Variants in LRRC4B observed in about 807,000 individuals in gnomAD.
LRRC4B encodes leucine rich repeat containing 4B, also known as leucine-rich repeat-containing protein 4B.
Under a neutral mutation model 7.3 loss-of-function variants are expected in LRRC4B, and 1 was observed. The observed-to-expected ratio is 0.14, with a 90% CI of 0.05 to 0.65. The LOEUF is 0.65. LRRC4B is among the 30% of genes least tolerant of loss of function. LRRC4B has a pLI of 0.84. For missense variants in LRRC4B, 730 were observed against 1,041.6 expected (o/e 0.70, Z 4.12); for synonymous variants, 500 against 499.2 (o/e 1.00, Z -0.02).
chr19:50,555,055 G>A lies in LRRC4B; in HGVS notation c.-35-6182C>T, dbSNP rs1273769211. ...TATCACACGCCCGACACCCCACCAC[G>A]GCTTCACGCCCGGCTGGCAGAGGCT... On this transcript the variant is annotated intron_variant, in intron 1 of 2. Transcript: ENST00000652263. This position sits in a 1 kb window ranked among gnomAD's most constrained non-coding sequence, Gnocchi z 5.2. Among the ~76,000 whole-genome samples the A allele has an allele frequency of 2.6e-5, 4 of 152,164 alleles. No homozygotes were observed. Among genetic ancestry groups the A allele is most frequent in the African/African-American group, 7.2e-5 (3 of 41,438 alleles).
At chr19:50,546,600 A>G (rs1010494325) in intron 2 of LRRC4B, among the ~76,000 whole-genome samples, 5 of 152,232 alleles carry the variant, frequency 3.3e-5, no homozygotes, top group Admixed American at 1.3e-4. Context: ...CCCTTTGACA[A>G]TGTCCACCTT....
chr19:50,550,191 A>C (rs1360256832), intron 1 of LRRC4B, among the ~76,000 whole-genome samples: 2 of 152,080 alleles, frequency 1.3e-5, no homozygotes, highest in Admixed American at 6.5e-5. Flanking sequence ...ATGAGGGAAA[A>C]CGGCCTGTCC....
At position 50,517,708 on chromosome 19, in the gene LRRC4B, C is replaced by T. The variant is rs762175159; in HGVS notation, c.2005G>A (p.Ala669Thr). ...HLNHHHYVAA[A>T]FKAHYSSNPS... Reference sequence around the variant, plus strand: ...TTGCTGCTGTAGTGCGCCTTGAAGGCGGCAGCCACGTAGTGGTGGTGGTTG... The same window carrying T: ...TTGCTGCTGTAGTGCGCCTTGAAGGTGGCAGCCACGTAGTGGTGGTGGTTG... The change falls in exon 3 of 3, where the codon GCC (alanine) becomes ACC (threonine). Residue 669 changes from alanine to threonine, a missense_variant. Physicochemically the swap from Ala to Thr is moderately conservative, Grantham distance 58. Around this residue, in one of 6 missense-constraint regions of LRRC4B, gnomAD observed 160 missense variants for 163.9 expected, o/e 0.98. Transcript: ENST00000652263. The surrounding 1 kb of genome is among the most constrained non-coding windows in gnomAD (Gnocchi z 6.6). 2.1e-5 allele frequency: 33 copies of T among 1,553,576 alleles called. No individual in the cohort carries two copies. The highest frequency in any genetic ancestry group is 2.8e-5 in the Non-Finnish European group (32 of 1,151,790).
chr19:50,525,237 C>G (rs1362007544), intron 2 of LRRC4B, among the ~76,000 whole-genome samples: 1 of 152,160 alleles, frequency 6.6e-6, no homozygotes, highest in Non-Finnish European at 1.5e-5. Flanking sequence ...ATGAAAAGCA[C>G]TTCAGAGGGT....
Position 50,519,444 on chromosome 19 carries a change from C to T in LRRC4B, c.298-29G>A, listed in dbSNP as rs945823660. ...GGGAGAGGGAGACACGGATCAGTCA[C>T]GGAGATACTGACGGGGACCGTGGGG... On this transcript the variant is annotated intron_variant, in intron 2 of 2. Coordinates refer to ENST00000652263, the MANE Select transcript of LRRC4B (RefSeq NM_001080457.2). The surrounding 1 kb of genome is among the most constrained non-coding windows in gnomAD (Gnocchi z 8.1). 10 of 1,536,730 alleles carry T rather than the reference C, an allele frequency of 6.5e-6. No individual in the cohort carries two copies. The highest frequency in any genetic ancestry group is 8.7e-6 in the Non-Finnish European group (10 of 1,146,200).
At chr19:50,564,175 C>T (rs1158684818) in intron 1 of LRRC4B, among the ~76,000 whole-genome samples, 4 of 152,100 alleles carry the variant, frequency 2.6e-5, no homozygotes, top group Non-Finnish European at 5.9e-5. Context: ...GCCCTTTGCA[C>T]CTGAGCACAA....
rs1980401023 is a variant in LRRC4B at position 50,518,422 on chromosome 19, T to C, written c.1291A>G (p.Thr431Ala). ...LNFTNVTVQD[T>A]GQYTCMVTNS... Reference sequence around the variant, plus strand: ...GTCACCATGCACGTGTACTGGCCCGTGTCCTGCACGGTGACGTTGGTGAAG... The same window carrying C: ...GTCACCATGCACGTGTACTGGCCCGCGTCCTGCACGGTGACGTTGGTGAAG... The change falls in exon 3 of 3, where the codon ACG (threonine) becomes GCG (alanine). Residue 431 changes from threonine to alanine, a missense_variant. Transcript: ENST00000652263. 6.4e-7 allele frequency: 1 copy of C among 1,559,858 alleles called. No homozygotes were observed. Among genetic ancestry groups the C allele is most frequent in the Non-Finnish European group, 8.7e-7 (1 of 1,155,206 alleles).
Position 50,518,004 on chromosome 19 carries a change from T to G in LRRC4B, c.1709A>C (p.Asp570Ala). Residue 570 changes from aspartate to alanine, a missense_variant, in exon 3 of 3, where the codon GAC becomes GCC. Around this residue, in one of 6 missense-constraint regions of LRRC4B, gnomAD observed 192 missense variants for 228.6 expected, o/e 0.84. Transcript: ENST00000652263. ...VTENALKDLD[D>A]VMKTTKIIIG... ...GATGATTTTGGTGGTCTTCATGACG[T>G]CGTCCAGGTCCTTGAGGGCGTTCTC... 1 of 1,541,640 alleles carries G rather than the reference T, an allele frequency of 6.5e-7. No homozygotes were observed. Among genetic ancestry groups the G allele is most frequent in the Non-Finnish European group, 8.7e-7 (1 of 1,147,416 alleles).
intron 2 of LRRC4B, among the ~76,000 whole-genome samples, chr19:50,528,109 C>T (rs1455291666): frequency 6.6e-6 from 1 of 151,860 alleles, no homozygotes; most frequent in Non-Finnish European, 1.5e-5. Flanking sequence ...GTGCTGTGAT[C>T]ATAACTCACT....
chr19:50,565,290 C>T (rs944968551), intron 1 of LRRC4B, among the ~76,000 whole-genome samples: 2 of 152,204 alleles, frequency 1.3e-5, no homozygotes, highest in Non-Finnish European at 2.9e-5. Flanking sequence ...TGTCCGTAGG[C>T]GTGAGGCCAC....
Position 50,517,794 on chromosome 19 carries a change from C to T in LRRC4B, c.1919G>A (p.Ser640Asn). 1.3e-6 allele frequency: 2 copies of T among 1,534,182 alleles called. No homozygotes were observed. The highest frequency in any genetic ancestry group is 8.7e-7 in the Non-Finnish European group (1 of 1,146,896). Residue 640 changes from serine (S) to asparagine (N), a missense_variant, in exon 3 of 3, where the codon AGT becomes AAT. Physicochemically the swap from Ser to Asn is conservative, Grantham distance 46. This residue lies in a region of LRRC4B where 160 missense variants were observed against 163.9 expected (regional missense o/e 0.98). Transcript: ENST00000652263. This position sits in a 1 kb window ranked among gnomAD's most constrained non-coding sequence, Gnocchi z 6.6. ...GCTGTCCCCGCCCACACCACCCCCA[C>T]TGGCCACGGCGGCCGCGGCGGCCAC... is the stretch of plus-strand genomic sequence containing the variant. ...VSVAAAAAVA[S>N]GGGVGGDSHL...
At chr19:50,531,209 G>A (rs972370806) in intron 2 of LRRC4B, among the ~76,000 whole-genome samples, 4 of 152,292 alleles carry the variant, frequency 2.6e-5, no homozygotes, top group East Asian at 1.9e-4. Context: ...TGACTCCCCC[G>A]GCAGCCCTGG....
Position 50,518,867 on chromosome 19 carries a change from G to GA in LRRC4B, c.845dup (p.Asn283GlnfsTer136). 1 of 1,614,094 alleles carries GA rather than the reference G, an allele frequency of 6.2e-7. No individual in the cohort carries two copies. Among genetic ancestry groups the GA allele is most frequent in the Non-Finnish European group, 8.5e-7 (1 of 1,179,982 alleles). On this transcript the variant is annotated frameshift_variant, in exon 3 of 3. Coordinates refer to ENST00000652263, the MANE Select transcript of LRRC4B (RefSeq NM_001080457.2). LOFTEE classifies it low-confidence loss of function (END_TRUNC). ...ACATCAGGTTGTTGTGGGACAGGTT[G>GA]AGCTCCTCCAGCGACTTGAGGTCGT...
rs1173919963 is a variant in LRRC4B at position 50,520,203 on chromosome 19, C to CAAAAAAAAAAAA, written c.298-800_298-789dup. On this transcript the variant is annotated intron_variant, in intron 2 of 2. Transcript: ENST00000652263. ...CCTGGGCAATGAAGTAATACCCTGTCAAAAAAAAAAAAAAAAAAAAAAAAA... is the reference window on the plus strand; with the variant it reads ...CCTGGGCAATGAAGTAATACCCTGTCAAAAAAAAAAAAAAAAAAAAAAAAAAAAAAAAAAAAA... Among the ~76,000 whole-genome samples, 4 of 9,360 alleles carry CAAAAAAAAAAAA rather than the reference C, an allele frequency of 4.3e-4. 1 individual carries two copies. Among genetic ancestry groups the CAAAAAAAAAAAA allele is most frequent in the Admixed American group, 3.2e-3 (2 of 624 alleles). 6.1% of individuals were successfully genotyped at this position (9,360 alleles called of 152,430 possible).
At position 50,518,128 on chromosome 19, in the gene LRRC4B, C is replaced by G; in HGVS notation, c.1585G>C (p.Asp529His). Residue 529 changes from aspartate to histidine, a missense_variant, in exon 3 of 3, where the codon GAC becomes CAC. Physicochemically the swap from Asp to His is moderately conservative, Grantham distance 81. Around this residue, in one of 6 missense-constraint regions of LRRC4B, gnomAD observed 192 missense variants for 228.6 expected, o/e 0.84. Transcript: ENST00000652263. ...GAAGACGAGGCAGGGCCGGCCGCGT[C>G]CCCAGGCCGGCCCCCACCCCAGACA... ...DGVWGGGRPGDAAGPASSSTT... is the reference protein window; with the variant it reads ...DGVWGGGRPGHAAGPASSSTT... The G allele has an allele frequency of 1.3e-6, 2 of 1,594,640 alleles. No homozygotes were observed. Among genetic ancestry groups the G allele is most frequent in the Non-Finnish European group, 1.7e-6 (2 of 1,174,540 alleles).
intron 1 of LRRC4B, among the ~76,000 whole-genome samples, chr19:50,559,008 G>A (rs1182953813): frequency 6.6e-6 from 1 of 152,230 alleles, no homozygotes; most frequent in Non-Finnish European, 1.5e-5. Context: ...CCCGCAAGGG[G>A]CCCATGGCGA....
At chr19:50,565,069 C>T (rs147086841) in intron 1 of LRRC4B, among the ~76,000 whole-genome samples, 61 of 152,254 alleles carry the variant, frequency 4.0e-4, no homozygotes, top group African/African-American at 1.3e-3. Flanking sequence ...AGCCCCGTGG[C>T]GAGAGGAACA....
intron 2 of LRRC4B, among the ~76,000 whole-genome samples, chr19:50,526,752 C>A (rs1980824531): frequency 6.6e-6 from 1 of 152,044 alleles, no homozygotes; most frequent in South Asian, 2.1e-4. Flanking sequence ...TAAAAATTGG[C>A]CAAAATACAT....
At chr19:50,544,890 A>G (rs1981731108) in intron 2 of LRRC4B, among the ~76,000 whole-genome samples, 1 of 149,722 alleles carries the variant, frequency 6.7e-6, no homozygotes, top group Non-Finnish European at 1.5e-5. Flanking sequence ...CCCTGTCTTC[A>G]TAAAAAAGAA....
Sources: allele counts gnomAD v4.1 joint callset (sites outside exome capture counted in the v4.1 genomes callset), GRCh38; gene constraint gnomAD v4.1.1; regional missense constraint gnomAD v4.1.1; non-coding constraint Gnocchi (gnomAD v3.1); transcripts MANE v1.5; gene names NCBI Gene and HGNC (gene_info 2026-07-23, HGNC 2026-07-21).